The following ZFHX4 variants were observed in gnomAD, a reference collection of about 807,000 sequenced individuals.
The protein encoded by ZFHX4 is zinc finger homeobox 4.
A neutral mutation model predicts 267.6 loss-of-function variants in ZFHX4; 56 were observed. That is an observed-to-expected ratio of 0.21 (90% CI 0.17 to 0.26). The LOEUF (loss-of-function observed/expected upper bound fraction) is 0.26. Ranked by LOEUF, ZFHX4 falls within the 10% of genes least tolerant of loss-of-function variation. ZFHX4 has a pLI of 1.00. For synonymous variants in ZFHX4, 1,778 were observed against 1,665.6 expected, an observed-to-expected ratio of 1.07 and a Z score of -1.64; for missense variants, 4,332 against 4,420.0, an observed-to-expected ratio of 0.98 and a Z score of 0.56.
At chr8:76,850,595 G>T (rs1366244514) in intron 9 of ZFHX4, among the ~76,000 whole-genome samples, 1 of 152,180 alleles carries the variant, frequency 6.6e-6, no homozygotes, top group Non-Finnish European at 1.5e-5. Flanking sequence ...TCTAATTCAT[G>T]AACACCAAGG....
In ZFHX4 at chr8:76,686,249, A is replaced by G. The variant is rs1433966; in HGVS notation, c.-47+4629A>G. On this transcript the variant is annotated intron_variant, in intron 1 of 10. Transcript: ENST00000651372. ...GTCTGTTAAAAGAAATGCACATGAAAAAGGACAAAAGGCTCTTTAATCTCT... is the reference window on the plus strand; with the variant it reads ...GTCTGTTAAAAGAAATGCACATGAAGAAGGACAAAAGGCTCTTTAATCTCT... Among the ~76,000 whole-genome samples the G allele has an allele frequency of 1.5e-3, 231 of 152,320 alleles. 1 individual carries two copies. The highest frequency in any genetic ancestry group is 5.3e-3 in the African/African-American group (222 of 41,584).
In ZFHX4 at chr8:76,856,089, G is replaced by A; in HGVS notation, c.9168G>A (p.Arg3056=). 6.2e-7 allele frequency: 1 copy of A among 1,613,984 alleles called. No homozygotes were observed. Among genetic ancestry groups the A allele is most frequent in the Non-Finnish European group, 8.5e-7 (1 of 1,179,872 alleles). Residue 3056 remains arginine, a synonymous_variant, in exon 10 of 11, where the codon CGG becomes CGA. Transcript: ENST00000651372. The stretch of plus-strand genomic sequence containing the variant: ...ATTACTTGGCTCCGACCACGGTTCG[G>A]CAGCTGATGGCACAGCAAGAACTTG... ...EKDYLAPTTV[R]QLMAQQELDR... is the part of the protein sequence containing the mutation.
At chr8:76,838,711 C>T (rs1812154552) in intron 5 of ZFHX4, among the ~76,000 whole-genome samples, 3 of 152,038 alleles carry the variant, frequency 2.0e-5, no homozygotes, top group Non-Finnish European at 1.5e-5. Context: ...GAAATGCTTT[C>T]GTAGCAGACT....
chr8:76,749,722 T>C (rs1357945503), intron 3 of ZFHX4, among the ~76,000 whole-genome samples: 14 of 152,198 alleles, frequency 9.2e-5, no homozygotes, highest in Admixed American at 9.2e-4. Flanking sequence ...CAAAATTCTT[T>C]CTAATTTTTA....
chr8:76,856,224 C>A lies in ZFHX4; in HGVS notation c.9303C>A (p.Leu3101=), dbSNP rs552401574. The A allele has an allele frequency of 1.2e-6, 2 of 1,613,970 alleles. No individual in the cohort carries two copies. Among genetic ancestry groups the A allele is most frequent in the Non-Finnish European group, 1.7e-6 (2 of 1,179,872 alleles). The change falls in exon 10 of 11, where the codon CTC becomes CTA. Residue 3101 remains leucine, a synonymous_variant. Coordinates refer to ENST00000651372, the MANE Select transcript of ZFHX4 (RefSeq NM_024721.5). The stretch of plus-strand genomic sequence containing the variant: ...GCCTGCCAACAGCCTACCCCGGACT[C>A]CCCGGCCTTCCTCCAGTCCTTCTCC... ...GISLPTAYPG[L]PGLPPVLLPG...
At chr8:76,808,031 A>G (rs1811286528) in intron 4 of ZFHX4, among the ~76,000 whole-genome samples, 1 of 152,152 alleles carries the variant, frequency 6.6e-6, no homozygotes, top group African/African-American at 2.4e-5. Flanking sequence ...AATGTTGTTG[A>G]ATAAATATGG....
At chr8:76,811,959 A>G (rs1173283722) in intron 4 of ZFHX4, among the ~76,000 whole-genome samples, 1 of 152,186 alleles carries the variant, frequency 6.6e-6, no homozygotes, top group Non-Finnish European at 1.5e-5. Flanking sequence ...TGTATTTTGG[A>G]TTCCTTGTAG....
intron 4 of ZFHX4, among the ~76,000 whole-genome samples, chr8:76,823,539 T>G (rs545025335): frequency 4.3e-4 from 65 of 152,330 alleles, no homozygotes; most frequent in Non-Finnish European, 7.9e-4. Flanking sequence ...TTCACTAACT[T>G]TTCCTTTCCA....
chr8:76,784,179 T>C lies in ZFHX4; in HGVS notation c.3325+5740T>C, dbSNP rs558656858. On this transcript the variant is annotated intron_variant, in intron 4 of 10. Coordinates refer to ENST00000651372, the MANE Select transcript of ZFHX4 (RefSeq NM_024721.5). ...TGATATATAATTGTAGAATTGATAATTCATAAAAGCTCAGTGCTATTTGGG... is the reference window on the plus strand; with the variant it reads ...TGATATATAATTGTAGAATTGATAACTCATAAAAGCTCAGTGCTATTTGGG... Among the ~76,000 whole-genome samples, 12 of 152,140 alleles carry C rather than the reference T, an allele frequency of 7.9e-5. No individual in the cohort carries two copies. The East Asian group carries it at 2.3e-3, about 29-fold the overall frequency.
At chr8:76,817,903 TCTA>T (rs934336618) in intron 4 of ZFHX4, among the ~76,000 whole-genome samples, 1 of 152,212 alleles carries the variant, frequency 6.6e-6, no homozygotes, top group African/African-American at 2.4e-5. Context: ...GGAAGATTCT[TCTA>T]CTACTACCAT....
At position 76,854,148 on chromosome 8, in the gene ZFHX4, C is replaced by G; in HGVS notation, c.7227C>G (p.Pro2409=). The change falls in exon 10 of 11, where the codon CCC becomes CCG. Residue 2409 remains proline (P), a synonymous_variant. Transcript: ENST00000651372. ...AGACTTCTCCAAAACCTGAATATCCCGCAGAAAAGCCAAAGCAGAGTGACC... is the reference window on the plus strand; with the variant it reads ...AGACTTCTCCAAAACCTGAATATCCGGCAGAAAAGCCAAAGCAGAGTGACC... The part of the protein sequence containing the change: ...PEKTSPKPEY[P]AEKPKQSDPS... 1 of 1,609,258 alleles carries G rather than the reference C, an allele frequency of 6.2e-7. No individual in the cohort carries two copies. Among genetic ancestry groups the G allele is most frequent in the Non-Finnish European group, 8.5e-7 (1 of 1,177,528 alleles).
chr8:76,763,349 A>G (rs563373684), intron 3 of ZFHX4, among the ~76,000 whole-genome samples: 15 of 152,178 alleles, frequency 9.9e-5, no homozygotes, highest in Non-Finnish European at 2.1e-4. Flanking sequence ...GAAAGTGATT[A>G]CAGTGGCTCA....
At chr8:76,856,624 C>G (rs939327608) in intron 10 of ZFHX4, among the ~76,000 whole-genome samples, 2 of 152,084 alleles carry the variant, frequency 1.3e-5, no homozygotes, top group African/African-American at 4.8e-5. Flanking sequence ...CATTCCAGCA[C>G]TCACATGTGG....
At chr8:76,772,483 G>A (rs1810289211) in intron 3 of ZFHX4, among the ~76,000 whole-genome samples, 1 of 152,150 alleles carries the variant, frequency 6.6e-6, no homozygotes, top group Non-Finnish European at 1.5e-5. Context: ...AGAGGGTTAA[G>A]AGAGTTATGG....
intron 10 of ZFHX4, among the ~76,000 whole-genome samples, chr8:76,857,354 TTATATA>T (rs10576780): frequency 0.054 from 7,761 of 143,392 alleles, 380 homozygotes; most frequent in East Asian, 0.18. Flanking sequence ...TTCACTAATT[TTATATA>T]TATATATATA....
Position 76,704,817 on chromosome 8 carries a change from T to G in ZFHX4, c.729T>G (p.Ser243Arg), listed in dbSNP as rs1225929248. The G allele has an allele frequency of 6.2e-7, 1 of 1,614,122 alleles. No individual in the cohort carries two copies. Among genetic ancestry groups the G allele is most frequent in the South Asian group, 1.1e-5 (1 of 91,090 alleles). ...AGAGAGAGAAAGACTATCTAACCAGTGATGGCTCAGCCAAAAACTCCTGTG... is the reference window on the plus strand; with the variant it reads ...AGAGAGAGAAAGACTATCTAACCAGGGATGGCTCAGCCAAAAACTCCTGTG... ...RHKREKDYLTSDGSAKNSCVS... is the reference protein window; with the variant it reads ...RHKREKDYLTRDGSAKNSCVS... Residue 243 changes from serine (S) to arginine (R), a missense_variant, in exon 2 of 11, where the codon AGT (serine) becomes AGG (arginine). Physicochemically the swap from Ser to Arg is moderately radical, Grantham distance 110. Coordinates refer to ENST00000651372, the MANE Select transcript of ZFHX4 (RefSeq NM_024721.5).
intron 4 of ZFHX4, among the ~76,000 whole-genome samples, chr8:76,790,507 A>G (rs1423310683): frequency 6.6e-6 from 1 of 152,138 alleles, no homozygotes; most frequent in Non-Finnish European, 1.5e-5. Flanking sequence ...AAAAATAAAA[A>G]ATCAAGGTCT....
intron 4 of ZFHX4, among the ~76,000 whole-genome samples, chr8:76,818,942 A>G (rs923215834): frequency 2.6e-5 from 4 of 152,038 alleles, no homozygotes; most frequent in Admixed American, 6.5e-5. Context: ...AATCCAGAGT[A>G]AACTTACCAA....
chr8:76,852,796 C>T lies in ZFHX4; in HGVS notation c.5875C>T (p.Leu1959Phe). The change falls in exon 10 of 11, where the codon CTT becomes TTT. Residue 1959 changes from leucine to phenylalanine, a missense_variant. This residue lies in a region of ZFHX4 where 1,371 missense variants were observed against 1,423.1 expected (regional missense o/e 0.96). Coordinates refer to ENST00000651372, the MANE Select transcript of ZFHX4 (RefSeq NM_024721.5). ...ATGTGGTAAATTGTTTTCCAATGTT[C>T]TTATTTTAAAGAGTCACCAAGAACA... ...GTCGKLFSNV[L>F]ILKSHQEHVH... 1.2e-6 allele frequency: 2 copies of T among 1,613,420 alleles called. No individual in the cohort carries two copies. Among genetic ancestry groups the T allele is most frequent in the Non-Finnish European group, 1.7e-6 (2 of 1,179,724 alleles).
Sources: gnomAD v4.1 joint callset for allele counts (sites outside exome capture counted in the v4.1 genomes callset) on GRCh38, gnomAD v4.1.1 for gene constraint, gnomAD v4.1.1 regional missense constraint, MANE v1.5 for transcripts, NCBI Gene and HGNC (gene_info 2026-07-23, HGNC 2026-07-21) for gene names.